Variants in CHST9 observed in about 807,000 individuals in gnomAD.
The protein encoded by CHST9 is carbohydrate sulfotransferase 9.
Under a neutral mutation model 44.4 loss-of-function variants are expected in CHST9, and 41 were observed. The ratio of observed to expected loss-of-function variants is 0.92; its 90% CI spans 0.72 to 1.20. The LOEUF (loss-of-function observed/expected upper bound fraction) is 1.20. Ranked by LOEUF, CHST9 falls within the 50% of genes most tolerant of loss-of-function variation. The probability of loss-of-function intolerance (pLI) is 0.00; values close to 1 mark genes in which losing one functional copy is unlikely to be tolerated. For missense variants in CHST9, 504 were observed against 516.5 expected, an observed-to-expected ratio of 0.98 and a Z score of 0.23; for synonymous variants, 171 against 178.4, an observed-to-expected ratio of 0.96 and a Z score of 0.33.
At chr18:27,067,505 T>C (rs1010250720) in intron 2 of CHST9, among the ~76,000 whole-genome samples, 11 of 152,138 alleles carry the variant, frequency 7.2e-5, no homozygotes, top group Non-Finnish European at 1.3e-4. Context: ...GTCAAAGGAT[T>C]CAACGACTAA....
At chr18:27,010,848 A>C (rs561584060) in intron 4 of CHST9, among the ~76,000 whole-genome samples, 1 of 152,156 alleles carries the variant, frequency 6.6e-6, no homozygotes, top group Non-Finnish European at 1.5e-5. Flanking sequence ...AGCTATAGTC[A>C]CTTGCAGGAA....
intron 4 of CHST9, among the ~76,000 whole-genome samples, chr18:26,998,971 G>T (rs774425409): frequency 6.6e-6 from 1 of 152,134 alleles, no homozygotes; most frequent in Non-Finnish European, 1.5e-5. Flanking sequence ...GTAGCAGGAG[G>T]TTCCACAATT....
rs1285387672 is a variant in CHST9, at chr18:26,916,862, G to A, written c.729C>T (p.Asn243=). 7 of 1,613,810 alleles carry A rather than the reference G, an allele frequency of 4.3e-6. No homozygotes were observed. Among genetic ancestry groups the A allele is most frequent in the East Asian group, 2.2e-5 (1 of 44,882 alleles). ...CGTAGTGGACAGCATTGTGGGAGATGTTGTATGCAGAGGAAGCCAATCCAT... is the reference window on the plus strand; with the variant it reads ...CGTAGTGGACAGCATTGTGGGAGATATTGTATGCAGAGGAAGCCAATCCAT... ...VLNGLASSAY[N]ISHNAVHYGK... is the part of the protein sequence containing the mutation. Residue 243 remains asparagine, a synonymous_variant, in exon 6 of 6, where the codon AAC becomes AAT. Transcript: ENST00000618847.
At chr18:27,019,940 G>A (rs1363416041) in intron 4 of CHST9, among the ~76,000 whole-genome samples, 3 of 152,170 alleles carry the variant, frequency 2.0e-5, no homozygotes, top group Non-Finnish European at 2.9e-5. Context: ...GAAATATAAG[G>A]AGGGTGTAAT....
chr18:27,044,607 T>C (rs1030798005), intron 3 of CHST9, among the ~76,000 whole-genome samples: 1 of 152,066 alleles, frequency 6.6e-6, no homozygotes, highest in Non-Finnish European at 1.5e-5. Flanking sequence ...TAACTTCATA[T>C]GTTTAATGTT....
At chr18:27,180,944 T>C (rs9947640) in intron 1 of CHST9, among the ~76,000 whole-genome samples, 109,165 of 151,816 alleles carry the variant, frequency 0.72, 39,512 homozygotes, top group African/African-American at 0.77. Context: ...TTAAAAAATG[T>C]CATGCCTTAC....
intron 1 of CHST9, among the ~76,000 whole-genome samples, chr18:27,156,251 T>A (rs2058697937): frequency 6.6e-6 from 1 of 151,398 alleles, no homozygotes; most frequent in Non-Finnish European, 1.5e-5. Context: ...GACCAAAGGG[T>A]TCTGAAGAAA....
chr18:27,183,910 A>G (rs1288696039), intron 1 of CHST9, among the ~76,000 whole-genome samples: 2 of 152,218 alleles, frequency 1.3e-5, no homozygotes, highest in Non-Finnish European at 2.9e-5. Context: ...CAACTGAATC[A>G]GAAGACAGAT....
intron 2 of CHST9, among the ~76,000 whole-genome samples, chr18:27,085,698 GA>G (rs1322293898): frequency 1.3e-5 from 2 of 152,016 alleles, no homozygotes; most frequent in East Asian, 3.9e-4. Flanking sequence ...AACCACTGTT[GA>G]AAAAATTTGG....
At chr18:27,056,363 A>G (rs907900654) in intron 2 of CHST9, among the ~76,000 whole-genome samples, 1 of 152,212 alleles carries the variant, frequency 6.6e-6, no homozygotes, top group African/African-American at 2.4e-5. Flanking sequence ...GAACTGGAAT[A>G]TGAATCCAGA....
chr18:26,984,745 A>G (rs948433690), intron 4 of CHST9, among the ~76,000 whole-genome samples: 2 of 151,136 alleles, frequency 1.3e-5, no homozygotes, highest in African/African-American at 2.4e-5. Flanking sequence ...AAAAAAAAAA[A>G]GAAATTGAAA....
intron 3 of CHST9, among the ~76,000 whole-genome samples, chr18:27,037,847 TTTA>T (rs1443394159): frequency 4.7e-5 from 6 of 128,720 alleles, no homozygotes; most frequent in Non-Finnish European, 7.2e-5. Context: ...TTTTTTTTTT[TTTA>T]AATTTTTACA....
chr18:26,952,113 G>A, intron 4 of CHST9: 1 of 454,478 alleles, frequency 2.2e-6, no homozygotes, highest in Non-Finnish European at 4.3e-6. Context: ...CAAAGAGGAA[G>A]CCACTTAGAC....
At chr18:26,952,093 A>G (rs2056256046) in intron 4 of CHST9, 1 of 410,406 alleles carries the variant, frequency 2.4e-6, no homozygotes, top group African/African-American at 2.1e-5. Flanking sequence ...ACAGAGCAAT[A>G]CTCGAACAGC....
Position 26,907,057 on chromosome 18 carries a change from G to T in CHST9, c.*9202C>A, listed in dbSNP as rs2055380475. ...TTTGCATTTTAAAGTGATTACAAGG[G>T]CAGCTGTATGGAGGATGGCATTGAG... On this transcript the variant is annotated 3_prime_UTR_variant, in exon 6 of 6. Coordinates refer to ENST00000618847, the MANE Select transcript of CHST9 (RefSeq NM_031422.6). 1 of 152,322 alleles carries T rather than the reference G, an allele frequency of 6.6e-6. No homozygotes were observed. Among genetic ancestry groups the T allele is most frequent in the Non-Finnish European group, 1.5e-5 (1 of 68,114 alleles). The allele number at this position is 152,322 out of a possible 1,614,324, so 9.4% of individuals were successfully genotyped here.
At chr18:26,968,252 C>T (rs539128408) in intron 4 of CHST9, among the ~76,000 whole-genome samples, 38 of 152,208 alleles carry the variant, frequency 2.5e-4, no homozygotes, top group African/African-American at 9.2e-4. Flanking sequence ...GTTATTGCTA[C>T]ATGACCAAAA....
At chr18:27,167,869 T>A (rs1193250110) in intron 1 of CHST9, among the ~76,000 whole-genome samples, 1 of 152,028 alleles carries the variant, frequency 6.6e-6, no homozygotes, top group Non-Finnish European at 1.5e-5. Flanking sequence ...GAATCCCCTA[T>A]CAAAATGCTC....
intron 2 of CHST9, among the ~76,000 whole-genome samples, chr18:27,086,829 T>G (rs936167800): frequency 3.9e-5 from 6 of 152,222 alleles, no homozygotes; most frequent in Non-Finnish European, 8.8e-5. Flanking sequence ...GAGAAGATTC[T>G]AACCTGTTTC....
At chr18:27,130,592 G>A (rs943433494) in intron 2 of CHST9, among the ~76,000 whole-genome samples, 1 of 152,130 alleles carries the variant, frequency 6.6e-6, no homozygotes, top group South Asian at 2.1e-4. Context: ...TGGAGAATAC[G>A]CAATTCAGCC....
Sources: allele counts gnomAD v4.1 joint callset (sites outside exome capture counted in the v4.1 genomes callset), GRCh38; gene constraint gnomAD v4.1.1; transcripts MANE v1.5; gene names NCBI Gene and HGNC (gene_info 2026-07-23, HGNC 2026-07-21).